The following TRABD2B variants were observed in gnomAD, a reference collection of about 807,000 sequenced individuals.
The protein encoded by TRABD2B is metalloprotease TIKI2.
TRABD2B carries 14 observed loss-of-function variants against 40.1 expected under a neutral mutation model. The ratio of observed to expected loss-of-function variants is 0.35; its 90% CI spans 0.23 to 0.55. The LOEUF is 0.55. Ranked by LOEUF, TRABD2B falls within the 20% of genes least tolerant of loss-of-function variation. The pLI is 0.90. For missense variants in TRABD2B, 541 were observed against 648.6 expected, an observed-to-expected ratio of 0.83 and a Z score of 1.80; for synonymous variants, 263 against 277.0, an observed-to-expected ratio of 0.95 and a Z score of 0.50.
chr1:47,909,766 C>CG (rs1644733010), intron 2 of TRABD2B, among the ~76,000 whole-genome samples: 1 of 2,904 alleles, frequency 3.4e-4, no homozygotes, highest in Non-Finnish European at 9.8e-4. Context: ...CCCTCCCTCC[C>CG]TTCCCCTCCC....
At chr1:47,908,212 T>G (rs1644704220) in intron 2 of TRABD2B, among the ~76,000 whole-genome samples, 1 of 152,226 alleles carries the variant, frequency 6.6e-6, no homozygotes, top group Non-Finnish European at 1.5e-5. Context: ...TTCATCTATA[T>G]GCACATATAG....
At chr1:47,804,158 T>C (rs1471639873) in intron 2 of TRABD2B, among the ~76,000 whole-genome samples, 1 of 152,146 alleles carries the variant, frequency 6.6e-6, no homozygotes, top group African/African-American at 2.4e-5. Context: ...TGGCTGGAGA[T>C]GAGGTCAGCC....
At chr1:47,864,281 C>T (rs1428659455) in intron 2 of TRABD2B, among the ~76,000 whole-genome samples, 1 of 151,706 alleles carries the variant, frequency 6.6e-6, no homozygotes, top group African/African-American at 2.4e-5. Context: ...TGAGCTTAAT[C>T]AGTTGTAATG....
At chr1:47,835,345 A>G (rs1645304642) in intron 2 of TRABD2B, among the ~76,000 whole-genome samples, 1 of 152,186 alleles carries the variant, frequency 6.6e-6, no homozygotes, top group African/African-American at 2.4e-5. Context: ...GAAAGGAAAG[A>G]AAGAAGGATA....
intron 2 of TRABD2B, among the ~76,000 whole-genome samples, chr1:47,852,587 G>A (rs1365618871): frequency 6.6e-6 from 1 of 152,202 alleles, no homozygotes; most frequent in Non-Finnish European, 1.5e-5. Flanking sequence ...TCAGCTCTCA[G>A]CAGGACCAGC....
At chr1:47,882,544 T>C (rs1644319811) in intron 2 of TRABD2B, among the ~76,000 whole-genome samples, 1 of 152,174 alleles carries the variant, frequency 6.6e-6, no homozygotes, top group South Asian at 2.1e-4. Context: ...TTGGTTCAGA[T>C]AGTCTGCTGA....
chr1:47,886,379 G>A (rs1029204042), intron 2 of TRABD2B, among the ~76,000 whole-genome samples: 5 of 152,170 alleles, frequency 3.3e-5, no homozygotes, highest in African/African-American at 9.7e-5. Flanking sequence ...TGGGGCAGGC[G>A]GGGTTTGCTT....
At chr1:47,778,132 C>A (rs1380357564) in intron 5 of TRABD2B, among the ~76,000 whole-genome samples, 1 of 151,890 alleles carries the variant, frequency 6.6e-6, no homozygotes, top group Non-Finnish European at 1.5e-5. Flanking sequence ...AGAGCCAGGG[C>A]AGCCACAGTC....
At chr1:47,940,587 G>A (rs1287796670) in intron 2 of TRABD2B, among the ~76,000 whole-genome samples, 2 of 152,282 alleles carry the variant, frequency 1.3e-5, no homozygotes, top group Middle Eastern at 3.4e-3. Flanking sequence ...GTGACTACAC[G>A]TTCCCTCCCA....
In TRABD2B at chr1:47,905,230, ATAAATAGTGGC is replaced by A. The variant is rs1403224920; in HGVS notation, c.666+88793_666+88803del. ...ATGCCTGGAGGGGAGCAGGTTCTCA[ATAAATAGTGGC>A]TAAGTTTAAACTCCATTCCTTCATT... is the stretch of plus-strand genomic sequence containing the variant. On this transcript the variant is annotated intron_variant, in intron 2 of 6. Coordinates refer to ENST00000606738, the MANE Select transcript of TRABD2B (RefSeq NM_001194986.2). Among the ~76,000 whole-genome samples the A allele has an allele frequency of 4.6e-5, 7 of 152,368 alleles. No individual in the cohort carries two copies. The East Asian group carries it at 1.2e-3, about 25-fold the overall frequency.
At chr1:47,972,637 C>A (rs542991550) in intron 2 of TRABD2B, among the ~76,000 whole-genome samples, 1 of 152,178 alleles carries the variant, frequency 6.6e-6, no homozygotes, top group Non-Finnish European at 1.5e-5. Context: ...AGACTTCCAG[C>A]CTCTAGAACT....
At chr1:47,944,359 T>G (rs1335607070) in intron 2 of TRABD2B, among the ~76,000 whole-genome samples, 1 of 152,120 alleles carries the variant, frequency 6.6e-6, no homozygotes, top group Non-Finnish European at 1.5e-5. Context: ...TCAGAGCCAG[T>G]GGAGAATGAA....
intron 2 of TRABD2B, among the ~76,000 whole-genome samples, chr1:47,822,636 T>A (rs1218342842): frequency 6.6e-6 from 1 of 152,270 alleles, no homozygotes; most frequent in Non-Finnish European, 1.5e-5. Flanking sequence ...ACATACATAC[T>A]ATGCTTTTCA....
chr1:47,778,585 G>A (rs1345575491), intron 4 of TRABD2B, 41 bp from the exon 5 acceptor site: 2 of 1,453,744 alleles, frequency 1.4e-6, no homozygotes, highest in East Asian at 2.5e-5. Flanking sequence ...CACATGCCAG[G>A]CCACCGGCCA....
chr1:47,892,293 G>A (rs143425048), intron 2 of TRABD2B, among the ~76,000 whole-genome samples: 138 of 152,346 alleles, frequency 9.1e-4, no homozygotes, highest in Admixed American at 1.6e-3. Flanking sequence ...AAGACTTTTG[G>A]CCTGAACAAC....
intron 2 of TRABD2B, among the ~76,000 whole-genome samples, chr1:47,985,762 T>C (rs1645910377): frequency 6.6e-6 from 1 of 152,240 alleles, no homozygotes; most frequent in South Asian, 2.1e-4. Context: ...TGAGTTATGA[T>C]TACATGGCAT....
chr1:47,906,079 C>T (rs777757234), intron 2 of TRABD2B, among the ~76,000 whole-genome samples: 3 of 152,260 alleles, frequency 2.0e-5, no homozygotes, highest in African/African-American at 7.2e-5. Flanking sequence ...CAAGGTCATA[C>T]CTCAGGCCTG....
At chr1:47,966,546 T>C (rs896687618) in intron 2 of TRABD2B, among the ~76,000 whole-genome samples, 1 of 152,152 alleles carries the variant, frequency 6.6e-6, no homozygotes, top group African/African-American at 2.4e-5. Context: ...GCCACATGTA[T>C]ACAGTAGATG....
At chr1:47,850,973 G>A (rs970571702) in intron 2 of TRABD2B, among the ~76,000 whole-genome samples, 5 of 152,176 alleles carry the variant, frequency 3.3e-5, no homozygotes, top group Non-Finnish European at 7.4e-5. Flanking sequence ...ATGCTCCTCT[G>A]AGAATCTAAT....
Sources: gnomAD v4.1 joint callset for allele counts (sites outside exome capture counted in the v4.1 genomes callset) on GRCh38, gnomAD v4.1.1 for gene constraint, MANE v1.5 for transcripts, NCBI Gene and HGNC (gene_info 2026-07-23, HGNC 2026-07-21) for gene names.